The following CBL variants were observed in gnomAD, a reference collection of about 807,000 sequenced individuals.
CBL encodes E3 ubiquitin-protein ligase CBL.
A neutral mutation model predicts 96.9 loss-of-function variants in CBL; 45 were observed. The ratio of observed to expected loss-of-function variants is 0.46; its 90% CI spans 0.37 to 0.60. The LOEUF (loss-of-function observed/expected upper bound fraction) is 0.60, where lower values mean the gene tolerates loss of function less well. CBL is among the 20% of genes least tolerant of loss of function. The pLI is 0.00. For synonymous variants in CBL, 420 were observed against 426.8 expected (o/e 0.98, Z 0.20); for missense variants, 1,024 against 1,143.5 (o/e 0.90, Z 1.51).
chr11:119,271,461 C>G (rs1456390844), intron 2 of CBL, among the ~76,000 whole-genome samples: 1 of 152,162 alleles, frequency 6.6e-6, no homozygotes, highest in Non-Finnish European at 1.5e-5. Context: ...GTGTTTGTAT[C>G]TTTCATATGA....
Position 119,238,044 on chromosome 11 carries a change from G to A in CBL, c.443+5349G>A, listed in dbSNP as rs1027583911. Reference sequence around the variant, plus strand: ...GCACCAACAATCCCAGCTAATTTTTGCATTTTCACTAGAGACGGGGTTTCA... The same window carrying A: ...GCACCAACAATCCCAGCTAATTTTTACATTTTCACTAGAGACGGGGTTTCA... On this transcript the variant is annotated intron_variant, in intron 2 of 15. Coordinates refer to ENST00000264033, the MANE Select transcript of CBL (RefSeq NM_005188.4). Among the ~76,000 whole-genome samples, 3 of 149,464 alleles carry A rather than the reference G, an allele frequency of 2.0e-5. No homozygotes were observed. The South Asian group carries it at 6.4e-4, about 32-fold the overall frequency.
At chr11:119,278,929 T>C (rs779125051) in intron 9 of CBL, among the ~76,000 whole-genome samples, 2 of 152,252 alleles carry the variant, frequency 1.3e-5, no homozygotes. Context: ...ATTATCCTTA[T>C]TTAACAGATG....
intron 1 of CBL, among the ~76,000 whole-genome samples, chr11:119,225,390 C>T (rs983185198): frequency 1.3e-5 from 2 of 151,808 alleles, no homozygotes; most frequent in Non-Finnish European, 2.9e-5. Flanking sequence ...AGTTACTGTG[C>T]CTGGCCTTAT....
rs112343793 is a variant in CBL at position 119,218,151 on chromosome 11, A to C, written c.195+11539A>C. Among the ~76,000 whole-genome samples, 283 of 152,318 alleles carry C rather than the reference A, an allele frequency of 1.9e-3. 2 individuals carry two copies. Among genetic ancestry groups the C allele is most frequent in the Non-Finnish European group, 3.1e-3 (212 of 68,032 alleles). ...GAAAATTATGTTGACACTTTTCCAC[A>C]GTCCCACTTAACATAAATGTAGTAG... On this transcript the variant is annotated intron_variant, in intron 1 of 15. Transcript: ENST00000264033.
chr11:119,263,064 C>T (rs1949766310), intron 2 of CBL, among the ~76,000 whole-genome samples: 1 of 152,166 alleles, frequency 6.6e-6, no homozygotes, highest in Non-Finnish European at 1.5e-5. Context: ...GAATTAAATG[C>T]ACTTTATTTA....
chr11:119,227,604 G>A (rs1949468956), intron 1 of CBL, among the ~76,000 whole-genome samples: 1 of 151,000 alleles, frequency 6.6e-6, no homozygotes, highest in Non-Finnish European at 1.5e-5. Flanking sequence ...AGGCTGGAGT[G>A]CAATGGTGCG....
At chr11:119,279,428 T>A (rs1949915599) in intron 9 of CBL, among the ~76,000 whole-genome samples, 1 of 152,036 alleles carries the variant, frequency 6.6e-6, no homozygotes, top group Non-Finnish European at 1.5e-5. Flanking sequence ...GGAGGATCAG[T>A]TGAGCCCAGC....
Position 119,298,431 on chromosome 11 carries a change from T to C in CBL, c.2325T>C (p.Asp775=). 6.2e-7 allele frequency: 1 copy of C among 1,614,118 alleles called. No homozygotes were observed. Among genetic ancestry groups the C allele is most frequent in the Non-Finnish European group, 8.5e-7 (1 of 1,179,954 alleles). The change falls in exon 15 of 16, where the codon GAT becomes GAC. Residue 775 remains aspartate, a synonymous_variant. Transcript: ENST00000264033. ...CAGAAAATGAGGATGATGGGTATGA[T>C]GTCCCAAAGCCACCTGTGCCGGCCG... ...EESENEDDGY[D]VPKPPVPAVL...
intron 1 of CBL, among the ~76,000 whole-genome samples, chr11:119,208,270 A>C (rs1049506844): frequency 6.6e-6 from 1 of 152,220 alleles, no homozygotes; most frequent in African/African-American, 2.4e-5. Flanking sequence ...GGCATAGAAA[A>C]AATACTTTTC....
chr11:119,206,673 G>A, intron 1 of CBL, 61 bp downstream of exon 1: 1 of 1,502,750 alleles, frequency 6.7e-7, no homozygotes, highest in Admixed American at 2.0e-5. Context: ...GCCGCGGGGA[G>A]GGGAACGAGC....
chr11:119,296,434 T>C (rs977640038), intron 12 of CBL, among the ~76,000 whole-genome samples: 5 of 152,234 alleles, frequency 3.3e-5, no homozygotes, highest in African/African-American at 9.6e-5. Flanking sequence ...CCTCAGAATT[T>C]ACGCTAACTG....
At chr11:119,295,871 G>A (rs948499372) in intron 12 of CBL, among the ~76,000 whole-genome samples, 1 of 152,164 alleles carries the variant, frequency 6.6e-6, no homozygotes, top group African/African-American at 2.4e-5. Flanking sequence ...CAGACTATAT[G>A]TCTGTCTTTT....
chr11:119,275,949 G>A (rs2511854), intron 5 of CBL, 48 bp from the exon 6 acceptor site: 9 of 1,587,600 alleles, frequency 5.7e-6, no homozygotes, highest in Admixed American at 3.3e-5. Flanking sequence ...GCCTTCCACC[G>A]TAATACCAGC....
intron 2 of CBL, among the ~76,000 whole-genome samples, chr11:119,256,971 T>G (rs1020805657): frequency 6.6e-6 from 1 of 152,226 alleles, no homozygotes; most frequent in African/African-American, 2.4e-5. Context: ...ATCCACTCAT[T>G]GGTTGGCAGG....
At chr11:119,218,313 G>T (rs1308565693) in intron 1 of CBL, among the ~76,000 whole-genome samples, 1 of 152,004 alleles carries the variant, frequency 6.6e-6, no homozygotes, top group African/African-American at 2.4e-5. Context: ...AATCTCTGAG[G>T]AGACAAAAAG....
At chr11:119,251,282 T>C (rs1949667994) in intron 2 of CBL, among the ~76,000 whole-genome samples, 1 of 152,222 alleles carries the variant, frequency 6.6e-6, no homozygotes, top group South Asian at 2.1e-4. Context: ...TATTTTTCTC[T>C]TTAGAGTTGT....
intron 2 of CBL, among the ~76,000 whole-genome samples, chr11:119,270,166 C>T (rs1949832450): frequency 6.7e-6 from 1 of 149,852 alleles, no homozygotes; most frequent in Non-Finnish European, 1.5e-5. Context: ...TTAAAGAGAA[C>T]AAAGGTAATC....
At chr11:119,292,151 G>C (rs932127238) in intron 12 of CBL, among the ~76,000 whole-genome samples, 1 of 151,768 alleles carries the variant, frequency 6.6e-6, no homozygotes, top group Non-Finnish European at 1.5e-5. Flanking sequence ...CTGCACCCTG[G>C]CCTCCTTTTC....
At position 119,206,417 on chromosome 11, in the gene CBL, C is replaced by T; in HGVS notation, c.-1C>T. 1.9e-6 allele frequency: 3 copies of T among 1,559,804 alleles called. No individual in the cohort carries two copies. The highest frequency in any genetic ancestry group is 2.6e-6 in the Non-Finnish European group (3 of 1,158,202). On this transcript the variant is annotated 5_prime_UTR_variant, in exon 1 of 16. Transcript: ENST00000264033. ...GCCTGGGCTCCGACCCTGCCCAGGC[C>T]ATGGCCGGCAACGTGAAGAAGAGCT...
Sources: allele counts gnomAD v4.1 joint callset (sites outside exome capture counted in the v4.1 genomes callset), GRCh38; gene constraint gnomAD v4.1.1; transcripts MANE v1.5; gene names NCBI Gene and HGNC (gene_info 2026-07-23, HGNC 2026-07-21).